MAGI2: variants seen among roughly 807,000 people sequenced by gnomAD.
MAGI2 encodes the protein membrane associated guanylate kinase, WW and PDZ domain containing 2.
Under a neutral mutation model 133.3 loss-of-function variants are expected in MAGI2, and 35 were observed. The observed-to-expected ratio is 0.26, with a 90% CI of 0.20 to 0.35. The LOEUF is 0.35. MAGI2 is among the 10% of genes least tolerant of loss of function. MAGI2 has a pLI of 1.00. For missense variants in MAGI2, 1,636 were observed against 1,863.4 expected (o/e 0.88, Z 2.25); for synonymous variants, 729 against 710.6 (o/e 1.03, Z -0.41).
intron 1 of MAGI2, among the ~76,000 whole-genome samples, chr7:79,200,605 C>T (rs565629053): frequency 6.9e-6 from 1 of 145,850 alleles, no homozygotes; most frequent in East Asian, 2.0e-4. Context: ...AATGAGACCC[C>T]ATCTCAAAAA....
intron 9 of MAGI2, among the ~76,000 whole-genome samples, chr7:78,317,152 T>A (rs1787498327): frequency 6.6e-6 from 1 of 152,232 alleles, no homozygotes. Context: ...TCAGGCTGAT[T>A]CCCCATTCCA....
At chr7:79,053,054 C>T (rs1812820298) in intron 1 of MAGI2, among the ~76,000 whole-genome samples, 1 of 152,094 alleles carries the variant, frequency 6.6e-6, no homozygotes, top group African/African-American at 2.4e-5. Context: ...CTCACTGCAA[C>T]CTCTGCCTCC....
At chr7:78,821,077 A>G (rs897812141) in intron 2 of MAGI2, among the ~76,000 whole-genome samples, 2 of 152,090 alleles carry the variant, frequency 1.3e-5, no homozygotes, top group African/African-American at 4.8e-5. Flanking sequence ...AGATAGTATT[A>G]GAAACAGCAT....
chr7:78,143,977 G>A (rs1420224257), intron 16 of MAGI2, among the ~76,000 whole-genome samples: 1 of 149,724 alleles, frequency 6.7e-6, no homozygotes, highest in Non-Finnish European at 1.5e-5. Context: ...TAAATTAGTG[G>A]CTGTCTATGT....
At chr7:78,214,546 T>TAA (rs1788081638) in intron 10 of MAGI2, among the ~76,000 whole-genome samples, 1 of 152,236 alleles carries the variant, frequency 6.6e-6, no homozygotes. Flanking sequence ...GCATAATCTA[T>TAA]TAATGTTAAG....
chr7:79,162,358 C>T (rs1824453049), intron 1 of MAGI2, among the ~76,000 whole-genome samples: 1 of 152,000 alleles, frequency 6.6e-6, no homozygotes, highest in South Asian at 2.1e-4. Context: ...TTTGGCATCC[C>T]ACTGGGCCTA....
At chr7:78,613,922 A>T (rs1401199467) in intron 3 of MAGI2, among the ~76,000 whole-genome samples, 1 of 152,012 alleles carries the variant, frequency 6.6e-6, no homozygotes, top group Non-Finnish European at 1.5e-5. Context: ...CATCCTGGCC[A>T]ACAGGGTGAA....
chr7:78,414,388 C>T (rs1204503496), intron 6 of MAGI2, among the ~76,000 whole-genome samples: 1 of 151,856 alleles, frequency 6.6e-6, no homozygotes, highest in African/African-American at 2.4e-5. Context: ...AATACATATA[C>T]AGAGAAAAGA....
chr7:78,413,761 A>G (rs1388309598), intron 6 of MAGI2, among the ~76,000 whole-genome samples: 63 of 152,020 alleles, frequency 4.1e-4, no homozygotes, highest in Admixed American at 4.1e-3. Context: ...CATGGGGTCA[A>G]TCCTGTCACA....
intron 6 of MAGI2, among the ~76,000 whole-genome samples, chr7:78,425,512 G>A (rs1191029068): frequency 6.6e-6 from 1 of 152,152 alleles, no homozygotes; most frequent in African/African-American, 2.4e-5. Context: ...GGAAATGGTA[G>A]GAGGAGCTAG....
chr7:78,755,210 C>T (rs990552136), intron 2 of MAGI2, among the ~76,000 whole-genome samples: 1 of 152,086 alleles, frequency 6.6e-6, no homozygotes, highest in African/African-American at 2.4e-5. Context: ...TCAAGAATAA[C>T]TTTTTGTAAG....
At chr7:79,080,930 C>T (rs1815981967) in intron 1 of MAGI2, among the ~76,000 whole-genome samples, 1 of 152,128 alleles carries the variant, frequency 6.6e-6, no homozygotes, top group African/African-American at 2.4e-5. Flanking sequence ...TTGTCCACAG[C>T]AGCCGAAGAA....
At chr7:78,110,691 G>A (rs566267552) in intron 20 of MAGI2, among the ~76,000 whole-genome samples, 2 of 152,290 alleles carry the variant, frequency 1.3e-5, no homozygotes, top group Non-Finnish European at 2.9e-5. Flanking sequence ...AACCATGCAG[G>A]AGTCAGATCT....
intron 18 of MAGI2, among the ~76,000 whole-genome samples, chr7:78,131,685 C>T (rs532160407): frequency 1.3e-5 from 2 of 152,168 alleles, no homozygotes; most frequent in Admixed American, 6.5e-5. Flanking sequence ...CTGAACCCAA[C>T]CCAGGCTCCC....
At chr7:78,413,621 G>C (rs1798045150) in intron 6 of MAGI2, among the ~76,000 whole-genome samples, 1 of 152,048 alleles carries the variant, frequency 6.6e-6, no homozygotes, top group Non-Finnish European at 1.5e-5. Context: ...GAGGCAATGG[G>C]AGTGAATGAG....
At chr7:79,162,934 C>T (rs1014604254) in intron 1 of MAGI2, among the ~76,000 whole-genome samples, 1 of 151,928 alleles carries the variant, frequency 6.6e-6, no homozygotes, top group Non-Finnish European at 1.5e-5. Flanking sequence ...TGATGAATAC[C>T]TGTCCACATC....
At chr7:78,441,201 T>C (rs1787589790) in intron 6 of MAGI2, among the ~76,000 whole-genome samples, 1 of 152,186 alleles carries the variant, frequency 6.6e-6, no homozygotes, top group South Asian at 2.1e-4. Context: ...ACTTGTTTGC[T>C]TAACATACAC....
intron 2 of MAGI2, among the ~76,000 whole-genome samples, chr7:78,757,745 C>G (rs1563463094): frequency 6.6e-6 from 1 of 152,086 alleles, no homozygotes; most frequent in Non-Finnish European, 1.5e-5. Context: ...TTTGCATATT[C>G]CTTCTTATCT....
rs192565642 is a variant in MAGI2, at chr7:78,466,638, T to C, written c.1045+23123A>G. 9.2e-5 allele frequency among the ~76,000 whole-genome samples: 14 copies of C among 152,272 alleles called. No homozygotes were observed. In the East Asian group the frequency reaches 1.9e-3, roughly 21 times the overall value. ...TAAATGGTGCTGCTGTAGGGAAACC[T>C]GGCTGGAAAGTAAACTGTGAAAAGG... On this transcript the variant is annotated intron_variant, in intron 6 of 21. Coordinates refer to ENST00000354212, the MANE Select transcript of MAGI2 (RefSeq NM_012301.4).
Sources: gnomAD v4.1 joint callset for allele counts (sites outside exome capture counted in the v4.1 genomes callset) on GRCh38, gnomAD v4.1.1 for gene constraint, MANE v1.5 for transcripts, NCBI Gene and HGNC (gene_info 2026-07-23, HGNC 2026-07-21) for gene names.